The following PCDH15 variants were observed in gnomAD, a reference collection of about 807,000 sequenced individuals.
The protein encoded by PCDH15 is protocadherin related 15, also known as protocadherin-15.
PCDH15 carries 129 observed loss-of-function variants against 178.5 expected under a neutral mutation model. The observed-to-expected ratio is 0.72, with a 90% CI of 0.63 to 0.84. PCDH15 has a LOEUF of 0.84. Ranked by LOEUF, PCDH15 falls within the 40% of genes least tolerant of loss-of-function variation. The probability of loss-of-function intolerance (pLI) is 0.00; values close to 1 mark genes in which losing one functional copy is unlikely to be tolerated. For missense variants in PCDH15, 2,230 were observed against 2,099.9 expected (o/e 1.06, Z -1.21); for synonymous variants, 800 against 732.0 (o/e 1.09, Z -1.50).
intron 3 of PCDH15, among the ~76,000 whole-genome samples, chr10:54,468,738 A>G (rs933509147): frequency 1.5e-4 from 23 of 152,210 alleles, no homozygotes; most frequent in Non-Finnish European, 4.4e-5. Context: ...AATGCTGACA[A>G]TGGGGTACTG....
At chr10:54,969,243 A>T (rs1216743689) in intron 2 of PCDH15, among the ~76,000 whole-genome samples, 1 of 152,174 alleles carries the variant, frequency 6.6e-6, no homozygotes, top group Non-Finnish European at 1.5e-5. Context: ...AGAGAGGCAC[A>T]TTACTTGGAA....
intron 27 of PCDH15, among the ~76,000 whole-genome samples, chr10:53,859,197 A>G (rs1247264476): frequency 6.6e-6 from 1 of 152,000 alleles, no homozygotes; most frequent in African/African-American, 2.4e-5. Context: ...CATCTCCTCT[A>G]ACTGCTGGAC....
chr10:54,863,630 A>G (rs986783374), intron 3 of PCDH15, among the ~76,000 whole-genome samples: 17 of 152,214 alleles, frequency 1.1e-4, no homozygotes, highest in Admixed American at 3.3e-4. Flanking sequence ...AAGAGCCAGA[A>G]GAGATAATAG....
chr10:54,577,240 G>A (rs1226329325), intron 2 of PCDH15, among the ~76,000 whole-genome samples: 3 of 127,804 alleles, frequency 2.3e-5, no homozygotes, highest in Admixed American at 8.7e-5. Context: ...GCACCACCAC[G>A]CCCAGCTAAT....
intron 2 of PCDH15, among the ~76,000 whole-genome samples, chr10:55,432,609 T>C (rs1838910251): frequency 6.6e-6 from 1 of 151,694 alleles, no homozygotes; most frequent in Middle Eastern, 3.4e-3. Context: ...CATTTCAGAG[T>C]TTTTTCTGGT....
chr10:54,981,232 C>T (rs1446658309), intron 2 of PCDH15, among the ~76,000 whole-genome samples: 1 of 152,140 alleles, frequency 6.6e-6, no homozygotes, highest in East Asian at 1.9e-4. Context: ...TCTCCAGCTT[C>T]CTCCCCTTCT....
At chr10:53,999,093 C>G (rs1441386802) in intron 20 of PCDH15, among the ~76,000 whole-genome samples, 1 of 151,262 alleles carries the variant, frequency 6.6e-6, no homozygotes, top group Non-Finnish European at 1.5e-5. Flanking sequence ...ATAGCAAATG[C>G]CAGTCCTTAC....
At chr10:53,977,559 G>A (rs1168923362) in intron 21 of PCDH15, among the ~76,000 whole-genome samples, 1 of 152,104 alleles carries the variant, frequency 6.6e-6, no homozygotes, top group Admixed American at 6.5e-5. Context: ...AGATTTGGGT[G>A]GGGACACAGC....
chr10:55,005,050 G>A (rs1222954621), intron 2 of PCDH15, among the ~76,000 whole-genome samples: 2 of 151,924 alleles, frequency 1.3e-5, no homozygotes, highest in Non-Finnish European at 2.9e-5. Context: ...ATAAGATAGT[G>A]TTGAAACCAT....
chr10:55,625,348 C>T (rs1837503759), intron 2 of PCDH15, among the ~76,000 whole-genome samples: 1 of 152,154 alleles, frequency 6.6e-6, no homozygotes, highest in East Asian at 1.9e-4. Flanking sequence ...AAGATAAATA[C>T]TAGGGAAAGT....
In PCDH15 at chr10:55,537,083, T is replaced by C. The variant is rs181482074; in HGVS notation, c.-156+90542A>G. Among the ~76,000 whole-genome samples, 937 of 152,262 alleles carry C rather than the reference T, an allele frequency of 6.2e-3. 7 individuals are homozygous for C. Among genetic ancestry groups the C allele is most frequent in the Non-Finnish European group, 8.4e-3 (573 of 68,016 alleles). On this transcript the variant is annotated intron_variant, in intron 2 of 5. Coordinates refer to the PCDH15 transcript ENST00000613346. ...ACAGAATTTGCACCATTGTTTAGAT[T>C]AGATTGAAGATCATTCCTGGTAAAA...
chr10:53,883,549 G>A (rs2080885123), intron 26 of PCDH15, among the ~76,000 whole-genome samples: 1 of 152,022 alleles, frequency 6.6e-6, no homozygotes, highest in African/African-American at 2.4e-5. Context: ...CAAGAAGCAG[G>A]TCATCTACAC....
At chr10:55,152,089 GT>G (rs1247181947) in intron 2 of PCDH15, among the ~76,000 whole-genome samples, 1 of 151,954 alleles carries the variant, frequency 6.6e-6, no homozygotes, top group Non-Finnish European at 1.5e-5. Context: ...GTCATATTAG[GT>G]TTTCTTACAA....
chr10:54,594,193 G>T (rs2092066270), intron 2 of PCDH15, among the ~76,000 whole-genome samples: 2 of 152,260 alleles, frequency 1.3e-5, no homozygotes, highest in South Asian at 4.1e-4. Context: ...ACTTGAGTTG[G>T]CAGAGAAAGC....
At chr10:54,302,459 G>T (rs970339547) in intron 8 of PCDH15, among the ~76,000 whole-genome samples, 1 of 152,124 alleles carries the variant, frequency 6.6e-6, no homozygotes, top group African/African-American at 2.4e-5. Flanking sequence ...GAGGTGATTA[G>T]GTCATGAGGG....
chr10:54,480,764 T>C (rs545648655), intron 3 of PCDH15, among the ~76,000 whole-genome samples: 1 of 152,152 alleles, frequency 6.6e-6, no homozygotes, highest in African/African-American at 2.4e-5. Flanking sequence ...GGGCAAGTGA[T>C]TGTCAACTTC....
intron 2 of PCDH15, chr10:54,585,674 A>AG (rs1178590192): frequency 1.9e-5 from 3 of 156,024 alleles, no homozygotes; most frequent in African/African-American, 7.2e-5. Flanking sequence ...TGCAATTACT[A>AG]GTCACTGTTT....
intron 18 of PCDH15, among the ~76,000 whole-genome samples, chr10:54,066,089 T>C (rs532044171): frequency 4.6e-5 from 7 of 152,334 alleles, no homozygotes; most frequent in Admixed American, 2.0e-4. Flanking sequence ...TCATCTGAGG[T>C]TGATACTTCA....
At chr10:54,611,854 G>A (rs912897530) in intron 2 of PCDH15, among the ~76,000 whole-genome samples, 1 of 151,798 alleles carries the variant, frequency 6.6e-6, no homozygotes, top group Non-Finnish European at 1.5e-5. Flanking sequence ...AACACTTTCT[G>A]AGAGAATGAA....
Sources: allele counts gnomAD v4.1 joint callset (sites outside exome capture counted in the v4.1 genomes callset), GRCh38; gene constraint gnomAD v4.1.1; transcripts MANE v1.5; gene names NCBI Gene and HGNC (gene_info 2026-07-23, HGNC 2026-07-21).